The following CCDC142 variants were observed in gnomAD, a reference collection of about 807,000 sequenced individuals.
CCDC142 encodes coiled-coil domain-containing protein 142.
CCDC142 carries 67 observed loss-of-function variants against 83.8 expected under a neutral mutation model. That is an observed-to-expected ratio of 0.80 (90% confidence interval 0.66 to 0.98). The LOEUF is 0.98. Ranked by LOEUF, CCDC142 falls within the 50% of genes least tolerant of loss-of-function variation. CCDC142 has a pLI of 0.00. For missense variants in CCDC142, 905 were observed against 946.8 expected (o/e 0.96, Z 0.58); for synonymous variants, 421 against 421.2 (o/e 1.00, Z 0.01).
chr2:74,480,616 A>G (rs1159482838), intron 5 of CCDC142, among the ~76,000 whole-genome samples, 153 bp downstream of exon 5: 1 of 151,882 alleles, frequency 6.6e-6, no homozygotes, highest in African/African-American at 2.4e-5. Context: ...AAAAAGTTAA[A>G]GAGAACAAAA....
rs1222955882 is a variant in CCDC142 at position 74,482,658 on chromosome 2, C to G, written c.180G>C (p.Pro60=). 2 of 1,611,412 alleles carry G rather than the reference C, an allele frequency of 1.2e-6. No homozygotes were observed. The highest frequency in any genetic ancestry group is 1.7e-6 in the Non-Finnish European group (2 of 1,179,948). Reference sequence around the variant, plus strand: ...CCTCGTAGTCCTCGCTCACATCCGCCGGCGTCGGCCACCACGGCGTCCCTC... The same window carrying G: ...CCTCGTAGTCCTCGCTCACATCCGCGGGCGTCGGCCACCACGGCGTCCCTC... The part of the protein sequence containing the change: ...TSGGTPWWPT[P]ADVSEDYEAD... Residue 60 remains proline (P), a synonymous_variant, in exon 1 of 9, where the codon CCG becomes CCC. Transcript: ENST00000393965. The surrounding 1 kb of genome is among the most constrained non-coding windows in gnomAD (Gnocchi z 5.0).
intron 5 of CCDC142, among the ~76,000 whole-genome samples, chr2:74,477,007 T>C (rs532567449): frequency 6.6e-6 from 1 of 152,354 alleles, no homozygotes; most frequent in East Asian, 1.9e-4. Flanking sequence ...AACGGACTTT[T>C]GTTAGGAGCC....
chr2:74,481,640 C>G, intron 1 of CCDC142, 102 bp from the exon 2 acceptor site: 1 of 1,392,636 alleles, frequency 7.2e-7, no homozygotes, highest in Middle Eastern at 1.9e-4. Context: ...CTCCAAGACT[C>G]GGGACTGGGG....
At chr2:74,480,234 A>G (rs139570871) in intron 5 of CCDC142, among the ~76,000 whole-genome samples, 1 of 152,324 alleles carries the variant, frequency 6.6e-6, no homozygotes, top group African/African-American at 2.4e-5. Flanking sequence ...GGTGACAGAC[A>G]TATGGGAGTC....
intron 5 of CCDC142, among the ~76,000 whole-genome samples, chr2:74,476,212 G>A (rs1279527112): frequency 2.0e-5 from 3 of 151,974 alleles, no homozygotes; most frequent in African/African-American, 4.8e-5. Context: ...TTGCTGTGTC[G>A]CCCAGACTGG....
Position 74,481,845 on chromosome 2 carries a change from C to A in CCDC142, c.993G>T (p.Ala331=). 6.2e-7 allele frequency: 1 copy of A among 1,613,408 alleles called. No individual in the cohort carries two copies. The highest frequency in any genetic ancestry group is 1.1e-5 in the South Asian group (1 of 91,040). Reference sequence around the variant, plus strand: ...GACCCAGTGCCTGACTCAGCTGTTGCGCTGTTGCCCTGGGGTCCCTCCAGG... The same window carrying A: ...GACCCAGTGCCTGACTCAGCTGTTGAGCTGTTGCCCTGGGGTCCCTCCAGG... The part of the protein sequence containing the change: ...LGPWRDPRAT[A]QQLSQALGQA... The change falls in exon 1 of 9, where the codon GCG becomes GCT. Residue 331 remains alanine (A), a synonymous_variant. Transcript: ENST00000393965.
Position 74,482,895 on chromosome 2 carries a change from C to T in CCDC142, c.-58G>A. ...CCCACTTCCCTGCACGGACCAACGC[C>T]CGCCGCAGCTCGGACTTCGCCCCAT... On this transcript the variant is annotated 5_prime_UTR_variant, in exon 1 of 9. Transcript: ENST00000393965. The surrounding 1 kb of genome is among the most constrained non-coding windows in gnomAD (Gnocchi z 5.0). 1 of 1,568,684 alleles carries T rather than the reference C, an allele frequency of 6.4e-7. No homozygotes were observed. Among genetic ancestry groups the T allele is most frequent in the Non-Finnish European group, 8.6e-7 (1 of 1,160,794 alleles).
At position 74,482,367 on chromosome 2, in the gene CCDC142, G is replaced by A. The variant is rs750592304; in HGVS notation, c.471C>T (p.Gly157=). The change falls in exon 1 of 9, where the codon GGC becomes GGT. Residue 157 remains glycine, a synonymous_variant. Coordinates refer to ENST00000393965, the MANE Select transcript of CCDC142 (RefSeq NM_001365575.2). This position sits in a 1 kb window ranked among gnomAD's most constrained non-coding sequence, Gnocchi z 5.0. ...HPSQGAVLRI[G]PGETLEPLLL... ...GCAGCGGCTCGAGAGTCTCCCCAGG[G>A]CCGATTCGCAGAACCGCCCCTTGGG... The A allele has an allele frequency of 3.0e-5, 48 of 1,587,190 alleles. No individual in the cohort carries two copies. The highest frequency in any genetic ancestry group is 3.9e-5 in the Non-Finnish European group (45 of 1,168,404).
At chr2:74,478,463 G>A (rs901318265) in intron 5 of CCDC142, among the ~76,000 whole-genome samples, 4 of 151,276 alleles carry the variant, frequency 2.6e-5, no homozygotes, top group Admixed American at 1.3e-4. Context: ...TGCAACTTCC[G>A]CCTCCTAGGT....
intron 5 of CCDC142, among the ~76,000 whole-genome samples, chr2:74,478,565 C>T (rs546760205): frequency 3.3e-5 from 5 of 151,614 alleles, no homozygotes; most frequent in South Asian, 4.2e-4. Context: ...TTAGTAGAGA[C>T]GGGGTTTCAC....
rs1024723300 is a variant in CCDC142 at position 74,482,703 on chromosome 2, G to A, written c.135C>T (p.Cys45=). 70 of 1,608,418 alleles carry A rather than the reference G, an allele frequency of 4.4e-5. No individual in the cohort carries two copies. The highest frequency in any genetic ancestry group is 5.3e-5 in the Non-Finnish European group (63 of 1,179,978). The change falls in exon 1 of 9, where the codon TGC becomes TGT. Residue 45 remains cysteine (C), a synonymous_variant. Transcript: ENST00000393965. The surrounding 1 kb of genome is among the most constrained non-coding windows in gnomAD (Gnocchi z 5.0). The stretch of plus-strand genomic sequence containing the variant: ...TCCCTCCAGAAGTTCCGCTCGGCCA[G>A]CAGTGAACCTCCCAGCGAAGACCGC... ...RTGGLRWEVH[C]WPSGTSGGTP...
At chr2:74,479,549 T>G (rs1433516607) in intron 5 of CCDC142, among the ~76,000 whole-genome samples, 1 of 152,234 alleles carries the variant, frequency 6.6e-6, no homozygotes, top group Non-Finnish European at 1.5e-5. Context: ...TTCATTAGTT[T>G]TATAAAATAA....
In CCDC142 at chr2:74,475,271, C is replaced by A. The variant is rs199798401; in HGVS notation, c.1750G>T (p.Val584Leu). 5 of 1,614,230 alleles carry A rather than the reference C, an allele frequency of 3.1e-6. No individual in the cohort carries two copies. The highest frequency in any genetic ancestry group is 4.2e-6 in the Non-Finnish European group (5 of 1,180,038). Reference sequence around the variant, plus strand: ...AGAATGTGGTCAAGCCAGGCACCCACGATGGCCGTCAGAGCCTGACCAAGG... The same window carrying A: ...AGAATGTGGTCAAGCCAGGCACCCAAGATGGCCGTCAGAGCCTGACCAAGG... ...PALGQALTAI[V>L]GAWLDHILTH... The change falls in exon 7 of 9, where the codon GTG becomes TTG. Residue 584 changes from valine (V) to leucine (L), a missense_variant. Coordinates refer to ENST00000393965, the MANE Select transcript of CCDC142 (RefSeq NM_001365575.2).
chr2:74,481,733 T>C (rs1056356779), intron 1 of CCDC142, 84 bp downstream of exon 1: 1 of 1,504,252 alleles, frequency 6.6e-7, no homozygotes, highest in Non-Finnish European at 9.0e-7. Flanking sequence ...TGCTTTTGCC[T>C]TCAGGATGGC....
Position 74,474,393 on chromosome 2 carries a change from A to G in CCDC142, c.*153T>C. 2 of 1,056,066 alleles carry G rather than the reference A, an allele frequency of 1.9e-6. No homozygotes were observed. Among genetic ancestry groups the G allele is most frequent in the South Asian group, 3.6e-5 (2 of 55,812 alleles). The allele number at this position is 1,056,066 out of a possible 1,614,324, so 65.4% of individuals were successfully genotyped here. ...CACCTCGCCCAGCCCCTAATCTTGG[A>G]TTCTTAAGCCCAGGCTCTTTGTAGC... On this transcript the variant is annotated 3_prime_UTR_variant, in exon 9 of 9. Coordinates refer to ENST00000393965, the MANE Select transcript of CCDC142 (RefSeq NM_001365575.2).
chr2:74,481,522 C>T lies in CCDC142; in HGVS notation c.1038G>A (p.Glu346=), dbSNP rs1444910236. ...ACAAAGATGCCAGCTCCTTCTCACA[C>T]TCCTGAGGCAGGGATGCTAGTGGGA... The part of the protein sequence containing the change: ...QALGQASLPQ[E]CEKELASLCH... The change falls in exon 2 of 9, where the codon GAG becomes GAA. Residue 346 remains glutamate (E), a synonymous_variant. Coordinates refer to ENST00000393965, the MANE Select transcript of CCDC142 (RefSeq NM_001365575.2). 3.1e-6 allele frequency: 5 copies of T among 1,614,082 alleles called. No individual in the cohort carries two copies. In the African/African-American group the frequency reaches 4.0e-5, roughly 13 times the overall value.
At position 74,477,903 on chromosome 2, in the gene CCDC142, G is replaced by C. The variant is rs193086903; in HGVS notation, c.1504-2177C>G. The stretch of plus-strand genomic sequence containing the variant: ...CCCAGAACTTTGGGAGGCCAAGGCG[G>C]TGGATTGCTTGAGCTCAAGAGTTCA... On this transcript the variant is annotated intron_variant, in intron 5 of 8. Transcript: ENST00000393965. Among the ~76,000 whole-genome samples, 6 of 151,902 alleles carry C rather than the reference G, an allele frequency of 3.9e-5. No individual in the cohort carries two copies. In the South Asian group the frequency reaches 1.2e-3, roughly 32 times the overall value.
chr2:74,474,394 T>G lies in CCDC142; in HGVS notation c.*152A>C. ...ACCTCGCCCAGCCCCTAATCTTGGA[T>G]TCTTAAGCCCAGGCTCTTTGTAGCT... is the stretch of plus-strand genomic sequence containing the variant. On this transcript the variant is annotated 3_prime_UTR_variant, in exon 9 of 9. Transcript: ENST00000393965. The G allele has an allele frequency of 9.4e-7, 1 of 1,060,982 alleles. No individual in the cohort carries two copies. Among genetic ancestry groups the G allele is most frequent in the Non-Finnish European group, 1.3e-6 (1 of 765,976 alleles). The allele number at this position is 1,060,982 out of a possible 1,614,324, so 65.7% of individuals were successfully genotyped here.
rs748606219 is a variant in CCDC142 at position 74,481,837 on chromosome 2, AGCTGTTGC to A, written c.993_1000del (p.Gln332GlufsTer14). ...CTCACCCTGACCCAGTGCCTGACTCAGCTGTTGCGCTGTTGCCCTGGGGTCCCTCCAGG... is the reference window on the plus strand; with the variant it reads ...CTCACCCTGACCCAGTGCCTGACTCAGCTGTTGCCCTGGGGTCCCTCCAGG... On this transcript the variant is annotated frameshift_variant, in exon 1 of 9. Coordinates refer to ENST00000393965, the MANE Select transcript of CCDC142 (RefSeq NM_001365575.2). LOFTEE classifies it high-confidence loss of function. 1.6e-5 allele frequency: 26 copies of A among 1,612,614 alleles called. No individual in the cohort carries two copies. The highest frequency in any genetic ancestry group is 2.1e-5 in the Non-Finnish European group (25 of 1,179,034).
Sources: gnomAD v4.1 joint callset for allele counts (sites outside exome capture counted in the v4.1 genomes callset) on GRCh38, gnomAD v4.1.1 for gene constraint, Gnocchi (gnomAD v3.1) non-coding constraint, MANE v1.5 for transcripts, NCBI Gene and HGNC (gene_info 2026-07-23, HGNC 2026-07-21) for gene names.